Variants in IGF1 observed in about 807,000 individuals in gnomAD.
The protein encoded by IGF1 is insulin-like growth factor 1.
In IGF1, 4 loss-of-function variants were observed where a neutral mutation model predicts 13.8. That is an observed-to-expected ratio of 0.29 (90% CI 0.14 to 0.66). IGF1 has a LOEUF of 0.66. Ranked by LOEUF, IGF1 falls within the 30% of genes least tolerant of loss-of-function variation. The pLI is 0.78. For missense variants in IGF1, 124 were observed against 188.5 expected, an observed-to-expected ratio of 0.66 and a Z score of 2.00; for synonymous variants, 76 against 72.6, an observed-to-expected ratio of 1.05 and a Z score of -0.23.
chr12:102,438,330 C>CA (rs1877419691), intron 2 of IGF1, among the ~76,000 whole-genome samples: 1 of 152,184 alleles, frequency 6.6e-6, no homozygotes, highest in African/African-American at 2.4e-5. Context: ...AATCCTATGT[C>CA]AAAGGACACC....
intron 2 of IGF1, among the ~76,000 whole-genome samples, chr12:102,464,809 C>T (rs920870479): frequency 1.3e-5 from 2 of 152,100 alleles, no homozygotes; most frequent in Admixed American, 1.3e-4. Context: ...CTTGAGAGTG[C>T]GAAGATACTT....
chr12:102,463,043 A>G (rs1341199243), intron 2 of IGF1: 1 of 152,212 alleles, frequency 6.6e-6, no homozygotes, highest in African/African-American at 2.4e-5. Context: ...CTTTGACCAT[A>G]TTAGATAAAG....
rs939756046 is a variant in IGF1 at position 102,397,107 on chromosome 12, C to A, written c.*5400G>T. The A allele has an allele frequency of 3.1e-6, 1 of 324,696 alleles. No individual in the cohort carries two copies. Among genetic ancestry groups the A allele is most frequent in the Admixed American group, 4.9e-5 (1 of 20,320 alleles). The allele number at this position is 324,696 out of a possible 1,614,324, so 20.1% of individuals were successfully genotyped here. A position where few individuals can be genotyped will look rare whatever the true frequency, so the allele number is the denominator to read the frequency against. ...ATCCCAGCTACTCAGGAGGCTGAGG[C>A]AGGAGAATCGCTTAAACCCAGGAGG... On this transcript the variant is annotated 3_prime_UTR_variant, in exon 4 of 4. Coordinates refer to ENST00000337514, the MANE Select transcript of IGF1 (RefSeq NM_000618.5).
chr12:102,450,593 G>T (rs1197898039), intron 2 of IGF1, among the ~76,000 whole-genome samples: 1 of 152,186 alleles, frequency 6.6e-6, no homozygotes, highest in Non-Finnish European at 1.5e-5. Flanking sequence ...CTAATCTGGA[G>T]ATGATTATTA....
chr12:102,458,086 A>G (rs1879564679), intron 2 of IGF1, among the ~76,000 whole-genome samples: 2 of 152,206 alleles, frequency 1.3e-5, no homozygotes, highest in Admixed American at 6.5e-5. Context: ...CTGGTGCCTG[A>G]GATTTGATTC....
chr12:102,446,164 G>A (rs917041006), intron 2 of IGF1, among the ~76,000 whole-genome samples: 1 of 152,180 alleles, frequency 6.6e-6, no homozygotes, highest in Non-Finnish European at 1.5e-5. Context: ...GTTCATCAGG[G>A]ATATTGGCCT....
chr12:102,464,845 C>CT (rs1467793615), intron 2 of IGF1, among the ~76,000 whole-genome samples: 1 of 152,224 alleles, frequency 6.6e-6, no homozygotes, highest in African/African-American at 2.4e-5. Flanking sequence ...TACATTTCCT[C>CT]TGCTGAATGC....
At chr12:102,417,287 T>C (rs1875228216) in intron 3 of IGF1, among the ~76,000 whole-genome samples, 1 of 152,226 alleles carries the variant, frequency 6.6e-6, no homozygotes, top group Non-Finnish European at 1.5e-5. Context: ...CAATACCGGA[T>C]GCCCTTTGGC....
chr12:102,453,148 G>T (rs1039188533), intron 2 of IGF1, among the ~76,000 whole-genome samples: 2 of 152,194 alleles, frequency 1.3e-5, no homozygotes, highest in Non-Finnish European at 1.5e-5. Flanking sequence ...GCCTTTAGAA[G>T]CACTGCTGCC....
chr12:102,469,733 A>G (rs1880571045), intron 2 of IGF1, among the ~76,000 whole-genome samples: 1 of 152,104 alleles, frequency 6.6e-6, no homozygotes, highest in South Asian at 2.1e-4. Flanking sequence ...GAGGCAAGAG[A>G]ACCTAGCTTT....
At chr12:102,402,608 T>C (rs750741271) in intron 3 of IGF1, 42 bp from the exon 4 acceptor site, 6 of 779,878 alleles carry the variant, frequency 7.7e-6, no homozygotes. Flanking sequence ...TTGATGAAGT[T>C]TTATGTATCC....
chr12:102,473,681 C>T (rs1566007912), intron 2 of IGF1, among the ~76,000 whole-genome samples: 1 of 152,164 alleles, frequency 6.6e-6, no homozygotes, highest in Non-Finnish European at 1.5e-5. Flanking sequence ...ATAACATTTC[C>T]TTTTCAAGTT....
chr12:102,398,602 A>T lies in IGF1; in HGVS notation c.*3905T>A, dbSNP rs1316169733. The T allele has an allele frequency of 6.6e-6, 1 of 152,128 alleles. No homozygotes were observed. Among genetic ancestry groups the T allele is most frequent in the Non-Finnish European group, 1.5e-5 (1 of 68,020 alleles). 9.4% of individuals were successfully genotyped at this position (152,128 alleles called of 1,614,324 possible). On this transcript the variant is annotated 3_prime_UTR_variant, in exon 4 of 4. Transcript: ENST00000337514. Reference sequence around the variant, plus strand: ...CAAAACAATGGAGCCTTCTAACTTTAAAAAATTTCCAACTCCTGCCCCTGC... The same window carrying T: ...CAAAACAATGGAGCCTTCTAACTTTTAAAAATTTCCAACTCCTGCCCCTGC...
chr12:102,416,795 G>A (rs940839752), intron 3 of IGF1, among the ~76,000 whole-genome samples: 13 of 152,198 alleles, frequency 8.5e-5, no homozygotes, highest in African/African-American at 3.1e-4. Flanking sequence ...TGGCTGAATT[G>A]TGTCCAAATT....
At chr12:102,451,981 G>A (rs1235163084) in intron 2 of IGF1, among the ~76,000 whole-genome samples, 2 of 151,956 alleles carry the variant, frequency 1.3e-5, no homozygotes, top group Admixed American at 6.6e-5. Flanking sequence ...TGTCTACTTC[G>A]GCCGGGCGCG....
At position 102,449,544 on chromosome 12, in the gene IGF1, T is replaced by C. The variant is rs1405434877; in HGVS notation, c.220+26099A>G. On this transcript the variant is annotated intron_variant, in intron 2 of 3. Coordinates refer to ENST00000337514, the MANE Select transcript of IGF1 (RefSeq NM_000618.5). ...TTTCCCAGAACTTAAAGTATAATAA[T>C]AATGAAAAATTGGTATGATACCCCA... is the stretch of plus-strand genomic sequence containing the variant. Among the ~76,000 whole-genome samples the C allele has an allele frequency of 3.3e-5, 5 of 151,314 alleles. No homozygotes were observed. The East Asian group carries it at 9.8e-4, about 30-fold the overall frequency.
At chr12:102,420,970 G>A (rs1268817081) in intron 2 of IGF1, among the ~76,000 whole-genome samples, 1 of 152,196 alleles carries the variant, frequency 6.6e-6, no homozygotes, top group Non-Finnish European at 1.5e-5. Context: ...ATAGGGTTTG[G>A]AAAGTCAGAA....
intron 2 of IGF1, among the ~76,000 whole-genome samples, chr12:102,439,274 G>A (rs1004636221): frequency 1.3e-5 from 2 of 152,140 alleles, no homozygotes; most frequent in African/African-American, 4.8e-5. Flanking sequence ...AGAAATGAGT[G>A]CTATTCAGGC....
intron 2 of IGF1, among the ~76,000 whole-genome samples, chr12:102,450,169 T>G (rs1878790168): frequency 6.6e-6 from 1 of 152,230 alleles, no homozygotes; most frequent in African/African-American, 2.4e-5. Context: ...TTTTATATTA[T>G]TCCCCTGTCA....
Sources: allele counts gnomAD v4.1 joint callset (sites outside exome capture counted in the v4.1 genomes callset), GRCh38; gene constraint gnomAD v4.1.1; transcripts MANE v1.5; gene names NCBI Gene and HGNC (gene_info 2026-07-23, HGNC 2026-07-21).